PCDHGB2: variants seen among roughly 807,000 people sequenced by gnomAD.
PCDHGB2 encodes protocadherin gamma-B2.
In PCDHGB2, 55 loss-of-function variants were observed where a neutral mutation model predicts 59.3. The ratio of observed to expected loss-of-function variants is 0.93; its 90% CI spans 0.75 to 1.16. The LOEUF (loss-of-function observed/expected upper bound fraction) is 1.16, where lower values mean the gene tolerates loss of function less well. PCDHGB2 is among the 50% of genes most tolerant of loss of function. The pLI is 0.00. For synonymous variants in PCDHGB2, 516 were observed against 512.0 expected (o/e 1.01, Z -0.11); for missense variants, 1,228 against 1,198.5 (o/e 1.02, Z -0.36).
At chr5:141,409,813 C>T in intron 1 of PCDHGB2, 2 of 1,611,170 alleles carry the variant, frequency 1.2e-6, no homozygotes, top group African/African-American at 1.3e-5. Flanking sequence ...CCCGCGACCA[C>T]GGCTCGCCCA....
At position 141,485,100 on chromosome 5, in the gene PCDHGB2, C is replaced by G. The variant is rs900224386; in HGVS notation, c.2422-9707C>G. 1.0e-5 allele frequency: 12 copies of G among 1,148,882 alleles called. No homozygotes were observed. Among genetic ancestry groups the G allele is most frequent in the Non-Finnish European group, 1.4e-5 (11 of 778,894 alleles). 71.2% of individuals were successfully genotyped at this position (1,148,882 alleles called of 1,614,324 possible). On this transcript the variant is annotated intron_variant, in intron 1 of 3. Coordinates refer to ENST00000522605, the MANE Select transcript of PCDHGB2 (RefSeq NM_018923.3). This position sits in a 1 kb window ranked among gnomAD's most constrained non-coding sequence, Gnocchi z 5.7. ...GGGAAAGGGAGATAGGTGTCTCCAG[C>G]TGCTGTGGCTGTTTGGGGCGGGTCG...
chr5:141,458,553 T>G (rs987591790), intron 1 of PCDHGB2, among the ~76,000 whole-genome samples: 24 of 146,852 alleles, frequency 1.6e-4, no homozygotes, highest in Non-Finnish European at 2.5e-4. Flanking sequence ...TGTTTGTTTG[T>G]TTTGGTTTTG....
chr5:141,363,922 T>C (rs1411192181), intron 1 of PCDHGB2, among the ~76,000 whole-genome samples: 1 of 152,164 alleles, frequency 6.6e-6, no homozygotes, highest in Non-Finnish European at 1.5e-5. Context: ...TTTTGTAAGG[T>C]ATTGAGATCT....
intron 1 of PCDHGB2, among the ~76,000 whole-genome samples, chr5:141,368,946 T>A (rs1330631003): frequency 6.6e-6 from 1 of 152,202 alleles, no homozygotes. Flanking sequence ...CTGGTTACTG[T>A]GAGTAGTTTA....
intron 1 of PCDHGB2, chr5:141,365,106 C>T (rs1561533210): frequency 6.2e-7 from 1 of 1,613,862 alleles, no homozygotes; most frequent in Non-Finnish European, 8.5e-7. Context: ...CCTGTGGGCA[C>T]TCGGCTGCTC....
intron 1 of PCDHGB2, chr5:141,395,534 G>T: frequency 8.7e-6 from 3 of 344,098 alleles, no homozygotes; most frequent in East Asian, 5.8e-5. Context: ...TGGTAATTTT[G>T]CTATTGTTTG....
intron 1 of PCDHGB2, chr5:141,419,244 C>T (rs2096349736): frequency 1.2e-6 from 2 of 1,614,008 alleles, no homozygotes; most frequent in Non-Finnish European, 1.7e-6. Context: ...GTCCACGTGC[C>T]AGAAAACAAC....
chr5:141,363,088 T>C (rs1762804335), intron 1 of PCDHGB2, among the ~76,000 whole-genome samples: 1 of 152,248 alleles, frequency 6.6e-6, no homozygotes, highest in Non-Finnish European at 1.5e-5. Context: ...AATGTATTTC[T>C]AAAGGACAGG....
chr5:141,504,077 G>A (rs939470644), intron 2 of PCDHGB2, among the ~76,000 whole-genome samples: 3 of 152,124 alleles, frequency 2.0e-5, no homozygotes, highest in Non-Finnish European at 2.9e-5. Context: ...GCCAGATGGT[G>A]CCAAACAGTT....
chr5:141,363,333 A>G (rs899178118), intron 1 of PCDHGB2, among the ~76,000 whole-genome samples: 3 of 152,286 alleles, frequency 2.0e-5, no homozygotes, highest in Non-Finnish European at 2.9e-5. Flanking sequence ...GTTATTAAAT[A>G]AAATGACTTT....
chr5:141,500,491 G>A (rs1595677531), intron 2 of PCDHGB2, among the ~76,000 whole-genome samples: 1 of 152,156 alleles, frequency 6.6e-6, no homozygotes, highest in East Asian at 1.9e-4. Context: ...TTACAGGCGT[G>A]AGCCACCGCG....
At chr5:141,510,844 C>A in intron 3 of PCDHGB2, 103 bp from the exon 4 acceptor site, 1 of 1,592,684 alleles carries the variant, frequency 6.3e-7, no homozygotes, top group South Asian at 1.1e-5. Context: ...GTGGTCAAGG[C>A]CCAGGGTGCT....
intron 1 of PCDHGB2, chr5:141,415,489 C>G: frequency 6.2e-7 from 1 of 1,614,220 alleles, no homozygotes; most frequent in Non-Finnish European, 8.5e-7. Flanking sequence ...AAAGAGTCAC[C>G]TGATCTTCCC....
At chr5:141,387,843 G>A in intron 1 of PCDHGB2, 5 of 1,597,072 alleles carry the variant, frequency 3.1e-6, no homozygotes, top group Admixed American at 1.7e-5. Flanking sequence ...TTTGTAACCC[G>A]GCGTCTCCAG....
intron 1 of PCDHGB2, among the ~76,000 whole-genome samples, chr5:141,470,181 A>G (rs974401154): frequency 3.9e-5 from 6 of 152,236 alleles, no homozygotes; most frequent in African/African-American, 9.6e-5. Flanking sequence ...AAAATATTCA[A>G]GTAAACTTCA....
In PCDHGB2 at chr5:141,432,510, C is replaced by A; in HGVS notation, c.2422-62297C>A. 1 of 1,614,140 alleles carries A rather than the reference C, an allele frequency of 6.2e-7. No homozygotes were observed. The highest frequency in any genetic ancestry group is 8.5e-7 in the Non-Finnish European group (1 of 1,180,042). On this transcript the variant is annotated intron_variant, in intron 1 of 3. Coordinates refer to ENST00000522605, the MANE Select transcript of PCDHGB2 (RefSeq NM_018923.3). The surrounding 1 kb of genome is among the most constrained non-coding windows in gnomAD (Gnocchi z 6.0). ...GAGCTGGCTCCCCGCTCCGCAGAGCCCGGCTACCTGGTGACCAAGGTGGTG... is the reference window on the plus strand; with the variant it reads ...GAGCTGGCTCCCCGCTCCGCAGAGCACGGCTACCTGGTGACCAAGGTGGTG...
chr5:141,389,767 G>A (rs2091900481), intron 1 of PCDHGB2: 1 of 1,613,028 alleles, frequency 6.2e-7, no homozygotes, highest in Non-Finnish European at 8.5e-7. Flanking sequence ...CGCACAGCGC[G>A]TGCCTTAGGC....
intron 1 of PCDHGB2, chr5:141,370,382 C>T (rs1326664452): frequency 6.5e-7 from 1 of 1,532,830 alleles, no homozygotes; most frequent in Non-Finnish European, 8.8e-7. Flanking sequence ...AAGGCAAAGG[C>T]GCAGAGAGCG....
intron 2 of PCDHGB2, among the ~76,000 whole-genome samples, chr5:141,500,906 G>C (rs1333707004): frequency 6.7e-6 from 1 of 149,672 alleles, no homozygotes; most frequent in African/African-American, 2.5e-5. Flanking sequence ...GTCTCGCTCT[G>C]TCTCCAGGCT....
Sources: gnomAD v4.1 joint callset for allele counts (sites outside exome capture counted in the v4.1 genomes callset) on GRCh38, gnomAD v4.1.1 for gene constraint, Gnocchi (gnomAD v3.1) non-coding constraint, MANE v1.5 for transcripts, NCBI Gene and HGNC (gene_info 2026-07-23, HGNC 2026-07-21) for gene names.